The following SYN2 variants were observed in gnomAD, a reference collection of about 807,000 sequenced individuals.
SYN2 encodes the protein synapsin II.
A neutral mutation model predicts 50.9 loss-of-function variants in SYN2; 19 were observed. The observed-to-expected ratio is 0.37, with a 90% CI of 0.26 to 0.55. The LOEUF is 0.55. Ranked by LOEUF, SYN2 falls within the 20% of genes least tolerant of loss-of-function variation. SYN2 has a pLI of 0.81. For missense variants in SYN2, 587 were observed against 576.4 expected (o/e 1.02, Z -0.19); for synonymous variants, 255 against 224.9 (o/e 1.13, Z -1.20).
intron 1 of SYN2, among the ~76,000 whole-genome samples, chr3:12,065,004 A>G (rs148919687): frequency 1.1e-3 from 169 of 152,314 alleles, no homozygotes; most frequent in African/African-American, 3.8e-3. Context: ...AAAATGTGGT[A>G]TAGCTCTACA....
Position 12,184,380 on chromosome 3 carries a change from CA to C in SYN2, c.1369+1009del, listed in dbSNP as rs1228695149. ...CTGTTCCCAAAGCTTGACCTGTGTA[CA>C]GAGATAATTCCTTGGCAATGTTGGA... is the stretch of plus-strand genomic sequence containing the variant. On this transcript the variant is annotated intron_variant, in intron 11 of 12. Coordinates refer to ENST00000621198, the MANE Select transcript of SYN2 (RefSeq NM_133625.6). The C allele has an allele frequency of 1.2e-5, 12 of 985,740 alleles. No homozygotes were observed. The African/African-American group carries it at 2.1e-4, about 17-fold the overall frequency. 61.1% of individuals were successfully genotyped at this position (985,740 alleles called of 1,614,324 possible).
intron 1 of SYN2, among the ~76,000 whole-genome samples, chr3:12,012,720 A>G (rs192289717): frequency 3.3e-4 from 50 of 152,268 alleles, no homozygotes; most frequent in Admixed American, 5.2e-4. Flanking sequence ...TCCGAGGATA[A>G]AGGCATTGCC....
At chr3:12,040,434 T>TC (rs1491095451) in intron 1 of SYN2, among the ~76,000 whole-genome samples, 2 of 146,572 alleles carry the variant, frequency 1.4e-5, no homozygotes, top group South Asian at 2.2e-4. Flanking sequence ...CTGTTTCTTT[T>TC]TTTTTTTTTT....
At chr3:12,080,881 C>T (rs912348958) in intron 1 of SYN2, among the ~76,000 whole-genome samples, 4 of 152,112 alleles carry the variant, frequency 2.6e-5, no homozygotes, top group African/African-American at 9.7e-5. Flanking sequence ...TCTCAATTAT[C>T]TAATATTGAT....
At chr3:12,064,517 G>A (rs1320515412) in intron 1 of SYN2, among the ~76,000 whole-genome samples, 2 of 152,010 alleles carry the variant, frequency 1.3e-5, no homozygotes, top group African/African-American at 2.4e-5. Flanking sequence ...AATATATAGA[G>A]TTCTTATAAT....
chr3:12,067,229 A>G (rs1695233924), intron 1 of SYN2, among the ~76,000 whole-genome samples: 1 of 152,230 alleles, frequency 6.6e-6, no homozygotes, highest in African/African-American at 2.4e-5. Context: ...AGATTTTAGC[A>G]TGGGAAAAGA....
At chr3:12,185,551 C>G (rs1698324795) in intron 11 of SYN2, 2 of 985,766 alleles carry the variant, frequency 2.0e-6, no homozygotes, top group Non-Finnish European at 2.4e-6. Flanking sequence ...ACATCTGTGT[C>G]ACAGTATAGG....
chr3:12,036,470 G>T (rs1031917400), intron 1 of SYN2, among the ~76,000 whole-genome samples: 2 of 152,122 alleles, frequency 1.3e-5, no homozygotes, highest in Admixed American at 6.5e-5. Context: ...TACAGCCTGA[G>T]CCACACCCAG....
intron 1 of SYN2, among the ~76,000 whole-genome samples, chr3:12,114,368 G>A (rs1215510048): frequency 6.6e-6 from 1 of 151,970 alleles, no homozygotes; most frequent in Non-Finnish European, 1.5e-5. Context: ...TATATGATTT[G>A]CAAATATTTT....
intron 3 of SYN2, among the ~76,000 whole-genome samples, chr3:12,143,521 A>G (rs1697076616): frequency 6.6e-6 from 1 of 152,106 alleles, no homozygotes; most frequent in Non-Finnish European, 1.5e-5. Context: ...GCTCCCACTT[A>G]TAAGTGACAA....
chr3:12,099,847 C>G (rs1243173112), intron 1 of SYN2, among the ~76,000 whole-genome samples: 1 of 151,130 alleles, frequency 6.6e-6, no homozygotes, highest in Non-Finnish European at 1.5e-5. Flanking sequence ...CGCCTGTAGT[C>G]CCAGCTACTT....
intron 1 of SYN2, among the ~76,000 whole-genome samples, chr3:12,122,268 A>G (rs1193873854): frequency 2.0e-5 from 3 of 152,204 alleles, no homozygotes; most frequent in Non-Finnish European, 2.9e-5. Flanking sequence ...TTTTCCCAGA[A>G]GTAATTTGAA....
At chr3:12,184,348 C>T in intron 11 of SYN2, 1 of 985,862 alleles carries the variant, frequency 1.0e-6, no homozygotes, top group Non-Finnish European at 1.2e-6. Flanking sequence ...GGACCTGAGG[C>T]TGCTTTCTGT....
At chr3:12,052,116 A>T (rs141231943) in intron 1 of SYN2, among the ~76,000 whole-genome samples, 96 of 152,278 alleles carry the variant, frequency 6.3e-4, no homozygotes, top group Non-Finnish European at 7.9e-4. Context: ...TTCACATTTT[A>T]GTATTTATAT....
At chr3:12,074,587 G>A (rs1695431114) in intron 1 of SYN2, among the ~76,000 whole-genome samples, 1 of 152,118 alleles carries the variant, frequency 6.6e-6, no homozygotes, top group Non-Finnish European at 1.5e-5. Context: ...CTGATTATGT[G>A]TTATTATTGT....
intron 10 of SYN2, among the ~76,000 whole-genome samples, chr3:12,179,638 CTG>C (rs1195075935): frequency 2.0e-5 from 3 of 152,218 alleles, no homozygotes; most frequent in Non-Finnish European, 4.4e-5. Context: ...ATTTGGGAAA[CTG>C]TGACTCAGGA....
At chr3:12,010,436 G>A (rs187824886) in intron 1 of SYN2, among the ~76,000 whole-genome samples, 1 of 152,346 alleles carries the variant, frequency 6.6e-6, no homozygotes, top group African/African-American at 2.4e-5. Context: ...TCCAATGGGA[G>A]AGGACAGGCA....
rs1281312835 is a variant in SYN2 at position 12,167,286 on chromosome 3, G to A, written c.1033G>A (p.Glu345Lys). 3 of 1,612,816 alleles carry A rather than the reference G, an allele frequency of 1.9e-6. No individual in the cohort carries two copies. The African/African-American group carries it at 4.0e-5, about 21-fold the overall frequency. ...GACGAACACTGGCTCTGCGATGCTG[G>A]AGCAGATTGCCATGTCAGACAGGTG... ...WKTNTGSAML[E>K]QIAMSDRYKL... The change falls in exon 8 of 13, where the codon GAG becomes AAG. Residue 345 changes from glutamate (E) to lysine (K), a missense_variant. Transcript: ENST00000621198.
intron 1 of SYN2, among the ~76,000 whole-genome samples, chr3:12,083,029 C>T (rs928441659): frequency 1.3e-5 from 2 of 151,946 alleles, no homozygotes; most frequent in East Asian, 3.9e-4. Context: ...ATTTTTTCCC[C>T]GAGACTGAGT....
Sources: gnomAD v4.1 joint callset for allele counts (sites outside exome capture counted in the v4.1 genomes callset) on GRCh38, gnomAD v4.1.1 for gene constraint, MANE v1.5 for transcripts, NCBI Gene and HGNC (gene_info 2026-07-23, HGNC 2026-07-21) for gene names.